Variants in LRP3 observed in about 807,000 individuals in gnomAD.
LRP3 encodes LDL receptor related protein 3, also known as low-density lipoprotein receptor-related protein 3.
LRP3 carries 49 observed loss-of-function variants against 58.5 expected under a neutral mutation model. The observed-to-expected ratio is 0.84, with a 90% CI of 0.67 to 1.06. LRP3 has a LOEUF of 1.06. Among genes scored for constraint, LRP3 ranks in the 50% least tolerant of loss-of-function variants. The pLI is 0.00. For synonymous variants in LRP3, 485 were observed against 492.2 expected (o/e 0.99, Z 0.20); for missense variants, 1,019 against 1,134.2 (o/e 0.90, Z 1.46).
intron 2 of LRP3, among the ~76,000 whole-genome samples, chr19:33,197,689 T>C (rs1974299983): frequency 6.6e-6 from 1 of 152,098 alleles, no homozygotes; most frequent in African/African-American, 2.4e-5. Flanking sequence ...GGCCTCTGAC[T>C]TGTTCGTTGC....
At chr19:33,197,228 A>T (rs189374900) in intron 2 of LRP3, among the ~76,000 whole-genome samples, 1 of 152,246 alleles carries the variant, frequency 6.6e-6, no homozygotes, top group East Asian at 1.9e-4. Flanking sequence ...AAAGGAGGGG[A>T]CATGCCACGC....
At chr19:33,204,947 C>A in intron 4 of LRP3, 95 bp downstream of exon 4, 1 of 1,203,974 alleles carries the variant, frequency 8.3e-7, no homozygotes, top group East Asian at 2.5e-5. Flanking sequence ...CCACAGGGCC[C>A]CGGCTCCCTG....
rs1974466013 is a variant in LRP3 at position 33,208,822 on chromosome 19, T to C, written c.*1247T>C. The C allele has an allele frequency of 6.2e-7, 1 of 1,606,096 alleles. No homozygotes were observed. The highest frequency in any genetic ancestry group is 1.7e-5 in the Admixed American group (1 of 59,226). On this transcript the variant is annotated 3_prime_UTR_variant, in exon 7 of 7. Transcript: ENST00000253193. The surrounding 1 kb of genome is among the most constrained non-coding windows in gnomAD (Gnocchi z 4.7). ...TCCAGAAAAAAACAAAACAAAACTTTTTTGCCAAAACACCTCCTCAATAAA... is the reference window on the plus strand; with the variant it reads ...TCCAGAAAAAAACAAAACAAAACTTCTTTGCCAAAACACCTCCTCAATAAA...
rs1974262435 is a variant in LRP3, at chr19:33,194,453, CCCGGG to C, written c.-330_-326del. 7.0e-6 allele frequency: 1 copy of C among 143,602 alleles called. No individual in the cohort carries two copies. The highest frequency in any genetic ancestry group is 2.1e-4 in the South Asian group (1 of 4,724). 8.9% of individuals were successfully genotyped at this position (143,602 alleles called of 1,614,324 possible). A position where few individuals can be genotyped will look rare whatever the true frequency, so the allele number is the denominator to read the frequency against. On this transcript the variant is annotated 5_prime_UTR_variant, in exon 1 of 7. An upstream open reading frame in the 5' UTR gains an earlier in-frame stop. Coordinates refer to ENST00000253193, the MANE Select transcript of LRP3 (RefSeq NM_002333.4). ...GCGGGGCATGGGCGCGCCGGGGGTC[CCCGGG>C]CCCAGGCCGGCCGCGGCGGGGCTCC...
intron 1 of LRP3, among the ~76,000 whole-genome samples, chr19:33,196,512 C>T (rs1310403979): frequency 6.6e-6 from 1 of 152,210 alleles, no homozygotes; most frequent in East Asian, 1.9e-4. Context: ...GAGCTATGCA[C>T]TCCAGCCTGG....
chr19:33,206,441 A>C lies in LRP3; in HGVS notation c.1592+79A>C, dbSNP rs554245380. The stretch of plus-strand genomic sequence containing the variant: ...CTGTCCCCGTAGCTGTGGGTTTGCA[A>C]ACGGGGGCCTGGACTAGCTACATGG... On this transcript the variant is annotated intron_variant, in intron 5 of 6. Coordinates refer to ENST00000253193, the MANE Select transcript of LRP3 (RefSeq NM_002333.4). 4 of 1,595,694 alleles carry C rather than the reference A, an allele frequency of 2.5e-6. No homozygotes were observed. In the South Asian group the frequency reaches 4.4e-5, roughly 18 times the overall value.
intron 1 of LRP3, among the ~76,000 whole-genome samples, chr19:33,195,489 T>G (rs1974276523): frequency 6.6e-6 from 1 of 152,224 alleles, no homozygotes; most frequent in Non-Finnish European, 1.5e-5. Context: ...TCCAGCGCTC[T>G]GTGTAGGCGA....
At position 33,208,837 on chromosome 19, in the gene LRP3, T is replaced by C. The variant is rs1245022036; in HGVS notation, c.*1262T>C. The C allele has an allele frequency of 3.2e-6, 5 of 1,568,958 alleles. No individual in the cohort carries two copies. Among genetic ancestry groups the C allele is most frequent in the Non-Finnish European group, 4.3e-6 (5 of 1,153,430 alleles). ...AACAAAACTTTTTTGCCAAAACACC[T>C]CCTCAATAAACAACATGTAAACAGA... On this transcript the variant is annotated 3_prime_UTR_variant, in exon 7 of 7. Transcript: ENST00000253193. This position sits in a 1 kb window ranked among gnomAD's most constrained non-coding sequence, Gnocchi z 4.7.
At chr19:33,205,079 C>T (rs1294574211) in intron 4 of LRP3, 167 bp from the exon 5 acceptor site, 2 of 830,964 alleles carry the variant, frequency 2.4e-6, no homozygotes, top group African/African-American at 3.4e-5. Context: ...TGGGAACTCA[C>T]CCCTAACCCC....
chr19:33,205,548 A>G lies in LRP3; in HGVS notation c.778A>G (p.Ser260Gly). ...CCTGGCGTGCGGCCGGCGGCTGGGC[A>G]GCTTCTACGGCTCCTTTGCCTCCCC... ...PDLACGRRLG[S>G]FYGSFASPDL... The change falls in exon 5 of 7, where the codon AGC becomes GGC. Residue 260 changes from serine to glycine, a missense_variant. Transcript: ENST00000253193. The G allele has an allele frequency of 1.3e-6, 2 of 1,595,864 alleles. No homozygotes were observed. The highest frequency in any genetic ancestry group is 1.7e-6 in the Non-Finnish European group (2 of 1,172,590).
intron 3 of LRP3, chr19:33,204,165 G>A (rs1272239684): frequency 5.9e-6 from 1 of 170,872 alleles, no homozygotes; most frequent in East Asian, 1.7e-4. Flanking sequence ...ACCTGCTGCA[G>A]CCTTAGCCAG....
Position 33,194,782 on chromosome 19 carries a change from C to A in LRP3, c.-4C>A. The A allele has an allele frequency of 3.0e-6, 3 of 1,007,600 alleles. No homozygotes were observed. The highest frequency in any genetic ancestry group is 3.6e-6 in the Non-Finnish European group (3 of 844,694). 62.4% of individuals were successfully genotyped at this position (1,007,600 alleles called of 1,614,324 possible). On this transcript the variant is annotated 5_prime_UTR_variant, in exon 1 of 7. Coordinates refer to ENST00000253193, the MANE Select transcript of LRP3 (RefSeq NM_002333.4). ...GGCGGCGCCCGCGGGCGGCCGGGCCCGGCATGGAGAAGCGCGCGGCCGCGG... is the reference window on the plus strand; with the variant it reads ...GGCGGCGCCCGCGGGCGGCCGGGCCAGGCATGGAGAAGCGCGCGGCCGCGG...
intron 2 of LRP3, among the ~76,000 whole-genome samples, chr19:33,200,527 G>A (rs890940539): frequency 5.9e-5 from 9 of 152,078 alleles, no homozygotes; most frequent in East Asian, 1.9e-4. Flanking sequence ...CACTGCACCC[G>A]GTCTCTTTTG....
intron 2 of LRP3, among the ~76,000 whole-genome samples, chr19:33,198,559 G>A (rs1258057185): frequency 6.6e-6 from 1 of 152,182 alleles, no homozygotes; most frequent in Non-Finnish European, 1.5e-5. Flanking sequence ...ACCCTGGATT[G>A]GGAAACATTC....
In LRP3 at chr19:33,204,830, C is replaced by T; in HGVS notation, c.453C>T (p.Gly151=). 6.2e-7 allele frequency: 1 copy of T among 1,613,502 alleles called. No homozygotes were observed. Among genetic ancestry groups the T allele is most frequent in the Non-Finnish European group, 8.5e-7 (1 of 1,179,968 alleles). Residue 151 remains glycine, a synonymous_variant, in exon 4 of 7, where the codon GGC becomes GGT. Coordinates refer to ENST00000253193, the MANE Select transcript of LRP3 (RefSeq NM_002333.4). The stretch of plus-strand genomic sequence containing the variant: ...CCTCCAGCTCCGGCCAGGCCCAGGG[C>T]TTCCGTCTGTCTTACATCCGAGGTG... ...SDASSSGQAQ[G]FRLSYIRGKL...
rs1974428750 is a variant in LRP3, at chr19:33,207,172, A to G, written c.1910A>G (p.Asp637Gly). 6.5e-7 allele frequency: 1 copy of G among 1,546,276 alleles called. No homozygotes were observed. The highest frequency in any genetic ancestry group is 8.7e-7 in the Non-Finnish European group (1 of 1,150,390). Residue 637 changes from aspartate (D) to glycine (G), a missense_variant, in exon 7 of 7, where the codon GAT becomes GGT. By Grantham distance (94) the Asp-to-Gly change is moderately conservative (BLOSUM62 -1). Transcript: ENST00000253193. ...AARPSQTVLG[D>G]GFLQPAPGAA... ...CGCCCCTCACAGACCGTGCTGGGCG[A>G]TGGCTTCCTCCAGCCTGCTCCAGGG...
intron 2 of LRP3, among the ~76,000 whole-genome samples, chr19:33,202,107 G>C (rs1023788195): frequency 6.7e-6 from 1 of 149,334 alleles, no homozygotes; most frequent in African/African-American, 2.5e-5. Context: ...GACCCTCTCT[G>C]AGCCTGTTTC....
rs1974357624 is a variant in LRP3 at position 33,202,990 on chromosome 19, G to A, written c.260+4G>A. 1 of 1,612,014 alleles carries A rather than the reference G, an allele frequency of 6.2e-7. No homozygotes were observed. Among genetic ancestry groups the A allele is most frequent in the Non-Finnish European group, 8.5e-7 (1 of 1,179,090 alleles). On this transcript the variant is annotated splice_donor_region_variant and intron_variant, in intron 3 of 6. Coordinates refer to ENST00000253193, the MANE Select transcript of LRP3 (RefSeq NM_002333.4). Reference sequence around the variant, plus strand: ...GTGGTGACATGATTACCATCAGGTAGGGGCACCCGGGGGTGTCGGAAGGAA... The same window carrying A: ...GTGGTGACATGATTACCATCAGGTAAGGGCACCCGGGGGTGTCGGAAGGAA...
At chr19:33,195,381 A>G (rs764110349) in intron 1 of LRP3, among the ~76,000 whole-genome samples, 1 of 151,888 alleles carries the variant, frequency 6.6e-6, no homozygotes, top group African/African-American at 2.4e-5. Flanking sequence ...AGGCCTGTTC[A>G]GTTTAGGAGG....
Sources: allele counts gnomAD v4.1 joint callset (sites outside exome capture counted in the v4.1 genomes callset), GRCh38; gene constraint gnomAD v4.1.1; non-coding constraint Gnocchi (gnomAD v3.1); transcripts MANE v1.5; gene names NCBI Gene and HGNC (gene_info 2026-07-23, HGNC 2026-07-21).